GLIS1: variants seen among roughly 807,000 people sequenced by gnomAD.
GLIS1 encodes the protein zinc finger protein GLIS1.
A neutral mutation model predicts 63.8 loss-of-function variants in GLIS1; 24 were observed. The observed-to-expected ratio is 0.38, with a 90% CI of 0.27 to 0.53. The LOEUF (loss-of-function observed/expected upper bound fraction) is 0.53. GLIS1 is among the 20% of genes least tolerant of loss of function. GLIS1 has a pLI of 0.85. For missense variants in GLIS1, 1,036 were observed against 1,074.1 expected (o/e 0.96, Z 0.50); for synonymous variants, 450 against 482.5 (o/e 0.93, Z 0.88).
rs1000736020 is a variant in GLIS1, at chr1:53,539,914, C to T, written c.1321-9962G>A. On this transcript the variant is annotated intron_variant, in intron 4 of 10. Transcript: ENST00000628545. This position sits in a 1 kb window ranked among gnomAD's most constrained non-coding sequence, Gnocchi z 5.0. ...GACCTCTCTAGCCCAATGTCTACTTCCCTCCCCACGCTGCAGCCACAGGCC... is the reference window on the plus strand; with the variant it reads ...GACCTCTCTAGCCCAATGTCTACTTTCCTCCCCACGCTGCAGCCACAGGCC... 3.9e-5 allele frequency among the ~76,000 whole-genome samples: 6 copies of T among 152,172 alleles called. No homozygotes were observed. The highest frequency in any genetic ancestry group is 7.3e-5 in the Non-Finnish European group (5 of 68,032).
At chr1:53,638,527 T>G (rs146210644) in intron 2 of GLIS1, among the ~76,000 whole-genome samples, 106 of 152,282 alleles carry the variant, frequency 7.0e-4, no homozygotes, top group African/African-American at 2.4e-3. Context: ...TGTCCTCCCT[T>G]GTTCCCCACT....
intron 4 of GLIS1, among the ~76,000 whole-genome samples, chr1:53,554,634 C>T (rs1010317357): frequency 6.6e-6 from 1 of 152,074 alleles, no homozygotes; most frequent in East Asian, 1.9e-4. Flanking sequence ...TCCATATTGC[C>T]CCCCCAGGGC....
intron 4 of GLIS1, among the ~76,000 whole-genome samples, chr1:53,559,712 A>C (rs1644867636): frequency 6.6e-6 from 1 of 152,128 alleles, no homozygotes; most frequent in Admixed American, 6.5e-5. Flanking sequence ...CCCTGGCCTC[A>C]GCCCTGCAGC....
In GLIS1 at chr1:53,714,638, A is replaced by G. The variant is rs142539242; in HGVS notation, c.259+23168T>C. Among the ~76,000 whole-genome samples the G allele has an allele frequency of 1.3e-4, 20 of 152,342 alleles. No homozygotes were observed. The East Asian group carries it at 3.9e-3, about 29-fold the overall frequency. On this transcript the variant is annotated intron_variant, in intron 2 of 10. Transcript: ENST00000628545. ...TGGGGCTCACATGAGATTAACAAGA[A>G]ATGCATTTTTTCCTACAAATAGTGG...
intron 4 of GLIS1, among the ~76,000 whole-genome samples, chr1:53,569,890 AT>A (rs1644968670): frequency 6.6e-6 from 1 of 152,190 alleles, no homozygotes; most frequent in South Asian, 2.1e-4. Context: ...AGAAAGATAT[AT>A]AATACATATA....
chr1:53,610,290 A>T (rs1645412464), intron 2 of GLIS1, among the ~76,000 whole-genome samples: 1 of 152,180 alleles, frequency 6.6e-6, no homozygotes, highest in African/African-American at 2.4e-5. Context: ...CTTTCCCTTC[A>T]TCCTGTTTCC....
intron 2 of GLIS1, among the ~76,000 whole-genome samples, chr1:53,667,798 C>A (rs978039262): frequency 6.6e-6 from 1 of 152,170 alleles, no homozygotes; most frequent in Non-Finnish European, 1.5e-5. Context: ...GGCCTTAATC[C>A]CATGAATGAG....
Position 53,737,960 on chromosome 1 carries a change from G to A in GLIS1, c.105C>T (p.Ala35=). The A allele has an allele frequency of 8.1e-7, 1 of 1,230,276 alleles. No individual in the cohort carries two copies. 76.2% of individuals were successfully genotyped at this position (1,230,276 alleles called of 1,614,324 possible). A position where few individuals can be genotyped will look rare whatever the true frequency, so the allele number is the denominator to read the frequency against. Residue 35 remains alanine, a synonymous_variant, in exon 2 of 11, where the codon GCC becomes GCT. Coordinates refer to ENST00000628545, the MANE Select transcript of GLIS1 (RefSeq NM_001367484.1). The stretch of plus-strand genomic sequence containing the variant: ...CGCCGCCACTCACGGTGACCCTGAA[G>A]GCCATGTGCGCGCCGAGGCTGGCGG... The part of the protein sequence containing the change: ...RGPASLGAHM[A]FRVTVSGGGC...
intron 2 of GLIS1, among the ~76,000 whole-genome samples, chr1:53,694,647 G>C (rs1185970760): frequency 6.6e-6 from 1 of 152,188 alleles, no homozygotes; most frequent in African/African-American, 2.4e-5. Context: ...TGTGGCCTTG[G>C]GCAGGCTGCT....
intron 2 of GLIS1, among the ~76,000 whole-genome samples, chr1:53,625,034 C>T (rs879642502): frequency 5.3e-5 from 8 of 152,194 alleles, no homozygotes; most frequent in Non-Finnish European, 8.8e-5. Context: ...GGGCTGATGA[C>T]TGCTCTATCA....
intron 2 of GLIS1, among the ~76,000 whole-genome samples, chr1:53,706,000 G>T (rs1013095071): frequency 1.3e-5 from 2 of 152,170 alleles, no homozygotes; most frequent in African/African-American, 4.8e-5. Flanking sequence ...GAATCAGAAG[G>T]ACTGGATTCT....
Position 53,506,642 on chromosome 1 carries a change from G to A in GLIS1, c.2365C>T (p.Pro789Ser), listed in dbSNP as rs759145727. 2.1e-5 allele frequency: 32 copies of A among 1,559,376 alleles called. No individual in the cohort carries two copies. The highest frequency in any genetic ancestry group is 2.3e-5 in the Non-Finnish European group (26 of 1,151,746). ...CTTCAGGTGTCTGTGTAGATGGAGG[G>A]GATGTGGCCCAGGCAGTGGTCAAAG... is the stretch of plus-strand genomic sequence containing the variant. ...GAFDHCLGHI[P>S]SIYTDT is the part of the protein sequence containing the mutation. Residue 789 changes from proline (P) to serine (S), a missense_variant, in exon 11 of 11, where the codon CCC (proline) becomes TCC (serine). This residue lies in a region of GLIS1 where 400 missense variants were observed against 400.9 expected (regional missense o/e 1.00). Coordinates refer to ENST00000628545, the MANE Select transcript of GLIS1 (RefSeq NM_001367484.1).
chr1:53,621,819 AT>A (rs953307311), intron 2 of GLIS1, among the ~76,000 whole-genome samples: 3,467 of 149,044 alleles, frequency 0.023, 141 homozygotes, highest in African/African-American at 0.079. Flanking sequence ...ATACAGAAAA[AT>A]TTTTTTTTTT....
At chr1:53,600,922 A>G (rs1433301404) in intron 2 of GLIS1, among the ~76,000 whole-genome samples, 1 of 152,190 alleles carries the variant, frequency 6.6e-6, no homozygotes, top group African/African-American at 2.4e-5. Context: ...GTGGGTTTCT[A>G]GGAAGATTAG....
chr1:53,546,350 C>T (rs1288476649), intron 4 of GLIS1, among the ~76,000 whole-genome samples: 5 of 152,218 alleles, frequency 3.3e-5, no homozygotes, highest in South Asian at 2.1e-4. Flanking sequence ...TGGGGAGGAG[C>T]GAGTGCTCCC....
intron 4 of GLIS1, among the ~76,000 whole-genome samples, chr1:53,561,508 TTC>T (rs1198610220): frequency 7.2e-5 from 11 of 152,330 alleles, no homozygotes; most frequent in African/African-American, 2.6e-4. Context: ...CTTAAATAAT[TTC>T]TGTGTAACTC....
In GLIS1 at chr1:53,549,940, G is replaced by A. The variant is rs549349169; in HGVS notation, c.1321-19988C>T. Reference sequence around the variant, plus strand: ...CAGAATGAAAGCTTGGGGCATTAGGGAAGGTCACGCCCACCCTTGAGCTAG... The same window carrying A: ...CAGAATGAAAGCTTGGGGCATTAGGAAAGGTCACGCCCACCCTTGAGCTAG... On this transcript the variant is annotated intron_variant, in intron 4 of 10. Transcript: ENST00000628545. Among the ~76,000 whole-genome samples, 4 of 152,312 alleles carry A rather than the reference G, an allele frequency of 2.6e-5. No individual in the cohort carries two copies. The East Asian group carries it at 7.7e-4, about 29-fold the overall frequency.
At chr1:53,554,663 G>T (rs1644798854) in intron 4 of GLIS1, among the ~76,000 whole-genome samples, 1 of 152,026 alleles carries the variant, frequency 6.6e-6, no homozygotes, top group Admixed American at 6.5e-5. Context: ...ACTGGAGAAG[G>T]GTGTGGTGTG....
At chr1:53,519,643 C>T (rs770618476) in intron 7 of GLIS1, among the ~76,000 whole-genome samples, 7 of 152,156 alleles carry the variant, frequency 4.6e-5, no homozygotes, top group Admixed American at 6.5e-5. Context: ...GGCCTGAGAC[C>T]TGCCCCGTGG....
Sources: allele counts gnomAD v4.1 joint callset (sites outside exome capture counted in the v4.1 genomes callset), GRCh38; gene constraint gnomAD v4.1.1; regional missense constraint gnomAD v4.1.1; non-coding constraint Gnocchi (gnomAD v3.1); transcripts MANE v1.5; gene names NCBI Gene and HGNC (gene_info 2026-07-23, HGNC 2026-07-21).